The following UNC13B variants were observed in gnomAD, a reference collection of about 807,000 sequenced individuals.
UNC13B encodes the protein unc-13 homolog B, also known as protein unc-13 homolog B.
UNC13B carries 144 observed loss-of-function variants against 211.0 expected under a neutral mutation model. The observed-to-expected ratio is 0.68, with a 90% CI of 0.60 to 0.78. The LOEUF (loss-of-function observed/expected upper bound fraction) is 0.78, where lower values mean the gene tolerates loss of function less well. Among genes scored for constraint, UNC13B ranks in the 30% least tolerant of loss-of-function variants. The pLI, the probability that UNC13B is intolerant of heterozygous loss-of-function variation, is 0.00. For synonymous variants in UNC13B, 709 were observed against 725.8 expected, an observed-to-expected ratio of 0.98 and a Z score of 0.37; for missense variants, 1,777 against 2,002.0, an observed-to-expected ratio of 0.89 and a Z score of 2.14.
intron 14 of UNC13B, 47 bp from the exon 15 acceptor site, chr9:35,375,981 A>G: frequency 6.2e-7 from 1 of 1,603,282 alleles, no homozygotes; most frequent in Middle Eastern, 1.7e-4. Flanking sequence ...CTCTGTCTCA[A>G]AACAAACAAA....
intron 22 of UNC13B, chr9:35,385,462 A>T (rs1835127668): frequency 9.1e-6 from 9 of 985,442 alleles, no homozygotes; most frequent in Non-Finnish European, 1.1e-5. Context: ...ACAAGTGCTT[A>T]TACATTGCAT....
At chr9:35,180,529 A>G (rs1821878258) in intron 1 of UNC13B, among the ~76,000 whole-genome samples, 1 of 151,978 alleles carries the variant, frequency 6.6e-6, no homozygotes, top group Non-Finnish European at 1.5e-5. Flanking sequence ...AGCATTAGCT[A>G]TTTCAGTCGG....
chr9:35,401,629 G>A (rs547364171), intron 37 of UNC13B, among the ~76,000 whole-genome samples: 4 of 152,294 alleles, frequency 2.6e-5, no homozygotes, highest in South Asian at 2.1e-4. Context: ...TTTTCTACCC[G>A]TTGCTTTATC....
At chr9:35,327,640 C>T (rs1831092417) in intron 11 of UNC13B, among the ~76,000 whole-genome samples, 1 of 152,146 alleles carries the variant, frequency 6.6e-6, no homozygotes, top group South Asian at 2.1e-4. Flanking sequence ...TCTCCCAGTC[C>T]ACCAACTCAA....
intron 22 of UNC13B, chr9:35,385,226 T>C: frequency 1.0e-6 from 1 of 985,452 alleles, no homozygotes. Flanking sequence ...GCAGTTCTGC[T>C]CAGAGATCTG....
intron 6 of UNC13B, among the ~76,000 whole-genome samples, chr9:35,249,976 A>G (rs1798417628): frequency 1.3e-5 from 2 of 152,074 alleles, no homozygotes; most frequent in Admixed American, 1.3e-4. Context: ...TAATTTTTAT[A>G]TACTGTACAG....
chr9:35,182,433 C>A (rs1821988499), intron 1 of UNC13B, among the ~76,000 whole-genome samples: 4 of 151,226 alleles, frequency 2.6e-5, no homozygotes, highest in Admixed American at 2.6e-4. Context: ...ATTTTTTTAA[C>A]ACAAAATTTT....
At chr9:35,318,483 G>A (rs923708004) in intron 11 of UNC13B, among the ~76,000 whole-genome samples, 1 of 152,058 alleles carries the variant, frequency 6.6e-6, no homozygotes, top group Non-Finnish European at 1.5e-5. Flanking sequence ...CTGTCTACAA[G>A]TACAAGCAAA....
chr9:35,185,149 C>G lies in UNC13B; in HGVS notation c.22+22844C>G, dbSNP rs1424794818. On this transcript the variant is annotated intron_variant, in intron 1 of 39. Coordinates refer to ENST00000635942, the MANE Select transcript of UNC13B (RefSeq NM_001371189.2). Reference sequence around the variant, plus strand: ...CTTTTGTTATAGCAAGAAGGCTCCTCTTGGATTTTAACAAAAAGGGCTCAG... The same window carrying G: ...CTTTTGTTATAGCAAGAAGGCTCCTGTTGGATTTTAACAAAAAGGGCTCAG... 3.9e-5 allele frequency among the ~76,000 whole-genome samples: 6 copies of G among 152,302 alleles called. No homozygotes were observed. The East Asian group carries it at 1.2e-3, about 29-fold the overall frequency.
intron 1 of UNC13B, among the ~76,000 whole-genome samples, chr9:35,225,318 A>T (rs1824775031): frequency 1.3e-5 from 2 of 151,632 alleles, no homozygotes; most frequent in Non-Finnish European, 2.9e-5. Flanking sequence ...GTGCCACTAC[A>T]CCCAGCTAAT....
At chr9:35,348,026 C>T (rs904219480) in intron 11 of UNC13B, among the ~76,000 whole-genome samples, 5 of 152,108 alleles carry the variant, frequency 3.3e-5, no homozygotes, top group Admixed American at 6.5e-5. Flanking sequence ...CACCTGAGGT[C>T]GGGAGTTTGA....
At chr9:35,350,480 A>G (rs1437323666) in intron 11 of UNC13B, among the ~76,000 whole-genome samples, 3 of 152,266 alleles carry the variant, frequency 2.0e-5, no homozygotes, top group South Asian at 2.1e-4. Flanking sequence ...TGGGCCAGGA[A>G]AGCCAAACCC....
At chr9:35,178,991 A>G (rs1365811577) in intron 1 of UNC13B, among the ~76,000 whole-genome samples, 1 of 152,038 alleles carries the variant, frequency 6.6e-6, no homozygotes, top group Non-Finnish European at 1.5e-5. Context: ...ATAAGTAGGT[A>G]AGGGTTAATC....
At chr9:35,364,448 C>T in intron 11 of UNC13B, 1 of 1,355,426 alleles carries the variant, frequency 7.4e-7, no homozygotes, top group Non-Finnish European at 1.0e-6. Flanking sequence ...CTTCCATGTC[C>T]CTTGGAGTTT....
rs541168004 is a variant in UNC13B, at chr9:35,307,307, T to C, written c.7903T>C (p.Leu2635=). 1.7e-4 allele frequency: 67 copies of C among 398,972 alleles called. No individual in the cohort carries two copies. Among genetic ancestry groups the C allele is most frequent in the African/African-American group, 1.2e-3 (57 of 48,732 alleles). 24.7% of individuals were successfully genotyped at this position (398,972 alleles called of 1,614,324 possible). A position where few individuals can be genotyped will look rare whatever the true frequency, so the allele number is the denominator to read the frequency against. The change falls in exon 9 of 40, where the codon TTG becomes CTG. Residue 2635 remains leucine, a synonymous_variant. Coordinates refer to ENST00000635942, the MANE Select transcript of UNC13B (RefSeq NM_001371189.2). ...SLSDEGDMGI[L]QATDTEASLE... ...GAGTGATGAAGGAGACATGGGGATATTGCAAGCTACAGACACGGAGGCATC... is the reference window on the plus strand; with the variant it reads ...GAGTGATGAAGGAGACATGGGGATACTGCAAGCTACAGACACGGAGGCATC...
At chr9:35,225,290 A>G (rs1467387661) in intron 1 of UNC13B, among the ~76,000 whole-genome samples, 1 of 151,982 alleles carries the variant, frequency 6.6e-6, no homozygotes, top group Non-Finnish European at 1.5e-5. Context: ...CCCCCCGAGT[A>G]GCTAGGATGA....
chr9:35,397,351 C>A, intron 29 of UNC13B, 41 bp downstream of exon 29: 3 of 1,606,930 alleles, frequency 1.9e-6, no homozygotes, highest in Non-Finnish European at 2.6e-6. Flanking sequence ...TTACCACCAC[C>A]ACACTCACAG....
rs1281162889 is a variant in UNC13B at position 35,162,292 on chromosome 9, G to T, written c.9G>T (p.Leu3=). 2 of 1,542,720 alleles carry T rather than the reference G, an allele frequency of 1.3e-6. No homozygotes were observed. The highest frequency in any genetic ancestry group is 2.7e-5 in the African/African-American group (2 of 73,044). MS[L]LCVRVKRAKF... is the part of the protein sequence containing the mutation. ...TTGCCCGATCCTCGGCCATGTCACT[G>T]CTCTGCGTGCGCGGTGAGTGCGCGG... Residue 3 remains leucine (L), a synonymous_variant, in exon 1 of 40, where the codon CTG becomes CTT. Transcript: ENST00000635942.
intron 6 of UNC13B, among the ~76,000 whole-genome samples, chr9:35,245,026 A>G (rs958055691): frequency 6.6e-6 from 1 of 152,044 alleles, no homozygotes; most frequent in Non-Finnish European, 1.5e-5. Flanking sequence ...CTCTTTCTCC[A>G]CTTAGTAACT....
Sources: allele counts gnomAD v4.1 joint callset (sites outside exome capture counted in the v4.1 genomes callset), GRCh38; gene constraint gnomAD v4.1.1; transcripts MANE v1.5; gene names NCBI Gene and HGNC (gene_info 2026-07-23, HGNC 2026-07-21).